The following ADGRG5 variants were observed in gnomAD, a reference collection of about 807,000 sequenced individuals.
The protein encoded by ADGRG5 is G protein-coupled receptor 114.
In ADGRG5, 37 loss-of-function variants were observed where a neutral mutation model predicts 53.2. The ratio of observed to expected loss-of-function variants is 0.70; its 90% CI spans 0.53 to 0.91. The LOEUF (loss-of-function observed/expected upper bound fraction) is 0.91, where lower values mean the gene tolerates loss of function less well. ADGRG5 is among the 40% of genes least tolerant of loss of function. ADGRG5 has a pLI of 0.00. For missense variants in ADGRG5, 614 were observed against 675.8 expected, an observed-to-expected ratio of 0.91 and a Z score of 1.01; for synonymous variants, 277 against 290.4, an observed-to-expected ratio of 0.95 and a Z score of 0.47.
chr16:57,538,348 T>C (rs8048378), upstream of ADGRG5, among the ~76,000 whole-genome samples: 2,201 of 152,240 alleles, frequency 0.014, 42 homozygotes, highest in African/African-American at 0.051. Context: ...CTCACACTTG[T>C]AATCCCAGTG....
rs374174401 is a variant in ADGRG5 at position 57,548,303 on chromosome 16, C to T, written c.-39+5602C>T. ...GAAGGTTGCAAAAAATAGTACAGAA[C>T]GTTTTGTATACCCTTCACTTATTCT... is the stretch of plus-strand genomic sequence containing the variant. On this transcript the variant is annotated intron_variant, in intron 1 of 11. Coordinates refer to ENST00000349457, the MANE Select transcript of ADGRG5 (RefSeq NM_001304376.3). Among the ~76,000 whole-genome samples the T allele has an allele frequency of 6.0e-5, 9 of 151,194 alleles. No individual in the cohort carries two copies. The South Asian group carries it at 1.2e-3, about 21-fold the overall frequency.
chr16:57,570,817 G>T (rs184119509), intron 10 of ADGRG5, among the ~76,000 whole-genome samples: 3 of 152,274 alleles, frequency 2.0e-5, no homozygotes, highest in African/African-American at 4.8e-5. Flanking sequence ...CCTCTGTCCT[G>T]CCCTGCCCTC....
rs186157884 is a variant in ADGRG5 at position 57,543,427 on chromosome 16, C to T, written c.-39+726C>T. Among the ~76,000 whole-genome samples, 404 of 152,098 alleles carry T rather than the reference C, an allele frequency of 2.7e-3. 2 individuals are homozygous for T. The highest frequency in any genetic ancestry group is 9.5e-3 in the African/African-American group (393 of 41,468). ...CCTCCTGAGTAGCTGGGATTACAGG[C>T]ACCAGCCAGCATGCCTGGCTAATTT... is the stretch of plus-strand genomic sequence containing the variant. On this transcript the variant is annotated intron_variant, in intron 1 of 11. Coordinates refer to ENST00000349457, the MANE Select transcript of ADGRG5 (RefSeq NM_001304376.3).
the ADGRG5 span, among the ~76,000 whole-genome samples, chr16:57,536,760 G>C: frequency 1.3e-5 from 2 of 152,152 alleles, no homozygotes; most frequent in African/African-American, 4.8e-5. Context: ...GGGCCGGGGC[G>C]GTGGGCTCTG....
At chr16:57,543,670 A>G (rs1434137652) in intron 1 of ADGRG5, among the ~76,000 whole-genome samples, 2 of 152,120 alleles carry the variant, frequency 1.3e-5, no homozygotes, top group African/African-American at 4.8e-5. Context: ...TGGCAGGGGC[A>G]GGTGGGGCTG....
At position 57,562,388 on chromosome 16, in the gene ADGRG5, A is replaced by G. The variant is rs149325720; in HGVS notation, c.69A>G (p.Thr23=). The change falls in exon 3 of 12, where the codon ACA becomes ACG. Residue 23 remains threonine (T), a synonymous_variant. Transcript: ENST00000349457. ...GGGGGAGGTGTGTCCCCACAGAGACATGGGAAGAACTCCTGAGCTACATGG... is the reference window on the plus strand; with the variant it reads ...GGGGGAGGTGTGTCCCCACAGAGACGTGGGAAGAACTCCTGAGCTACATGG... The part of the protein sequence containing the change: ...LLTLQNATTE[T]WEELLSYMEN... 1.2e-6 allele frequency: 2 copies of G among 1,606,884 alleles called. No homozygotes were observed. Among genetic ancestry groups the G allele is most frequent in the East Asian group, 2.2e-5 (1 of 44,652 alleles).
the ADGRG5 span, among the ~76,000 whole-genome samples, chr16:57,536,286 C>CGGA: frequency 6.6e-6 from 1 of 152,264 alleles, no homozygotes; most frequent in East Asian, 1.9e-4. Flanking sequence ...CCCTCCCCAC[C>CGGA]GGAGACCTGG....
At chr16:57,565,312 C>A (rs1596790145) in intron 6 of ADGRG5, 162 bp downstream of exon 6, 1 of 640,862 alleles carries the variant, frequency 1.6e-6, no homozygotes, top group Non-Finnish European at 2.8e-6. Flanking sequence ...AGTTTTTACT[C>A]ATGCATTTGT....
chr16:57,568,854 C>T (rs1379370112), intron 9 of ADGRG5, among the ~76,000 whole-genome samples: 1 of 151,406 alleles, frequency 6.6e-6, no homozygotes, highest in African/African-American at 2.4e-5. Context: ...TCACCACCTC[C>T]TCCACCATCA....
intron 1 of ADGRG5, among the ~76,000 whole-genome samples, chr16:57,555,482 A>C (rs996666807): frequency 6.6e-6 from 1 of 152,204 alleles, no homozygotes; most frequent in African/African-American, 2.4e-5. Flanking sequence ...TCATAGCAGC[A>C]TGAGAATGGA....
At chr16:57,546,942 G>T (rs1392555102) in intron 1 of ADGRG5, among the ~76,000 whole-genome samples, 1 of 152,062 alleles carries the variant, frequency 6.6e-6, no homozygotes, top group African/African-American at 2.4e-5. Context: ...CATCTCCTGG[G>T]CTCAAGTGAT....
chr16:57,542,729 T>G (rs1406817320), intron 1 of ADGRG5, 28 bp downstream of exon 1: 1 of 152,258 alleles, frequency 6.6e-6, no homozygotes, highest in Non-Finnish European at 1.5e-5. Flanking sequence ...CTCTCCCCAC[T>G]CTCCTCTGCC....
intron 1 of ADGRG5, among the ~76,000 whole-genome samples, chr16:57,547,214 A>G (rs1223966990): frequency 6.6e-6 from 1 of 152,190 alleles, no homozygotes; most frequent in Non-Finnish European, 1.5e-5. Context: ...TGTTTGTTGT[A>G]GAAAATTTAA....
chr16:57,539,186 C>A (rs141757736), upstream of ADGRG5, among the ~76,000 whole-genome samples: 4 of 152,248 alleles, frequency 2.6e-5, no homozygotes, highest in East Asian at 1.9e-4. Context: ...CACGGAGGAA[C>A]CTTGAAGACG....
Position 57,563,264 on chromosome 16 carries a change from T to C in ADGRG5, c.297+17T>C, listed in dbSNP as rs772573304. The C allele has an allele frequency of 6.2e-7, 1 of 1,611,606 alleles. No individual in the cohort carries two copies. Among genetic ancestry groups the C allele is most frequent in the South Asian group, 1.1e-5 (1 of 91,048 alleles). ...GTGCCCCAGGTCAGAGGCTGCGGGT[T>C]GGGGGGTGTGGCCAGCTGCCCCGCC... On this transcript the variant is annotated intron_variant, in intron 4 of 11. Coordinates refer to ENST00000349457, the MANE Select transcript of ADGRG5 (RefSeq NM_001304376.3).
In ADGRG5 at chr16:57,562,465, T is replaced by C. The variant is rs2033027870; in HGVS notation, c.140+6T>C. 1.3e-6 allele frequency: 2 copies of C among 1,587,556 alleles called. No individual in the cohort carries two copies. Among genetic ancestry groups the C allele is most frequent in the East Asian group, 2.3e-5 (1 of 44,250 alleles). Reference sequence around the variant, plus strand: ...AGCTCAGTTTTTTCCTCTCGGTGAGTTGGATGTGCCTCCCACCCCAAGCCT... The same window carrying C: ...AGCTCAGTTTTTTCCTCTCGGTGAGCTGGATGTGCCTCCCACCCCAAGCCT... On this transcript the variant is annotated splice_donor_region_variant and intron_variant, in intron 3 of 11. Transcript: ENST00000349457.
At chr16:57,544,717 A>C (rs1276224935) in intron 1 of ADGRG5, among the ~76,000 whole-genome samples, 1 of 152,126 alleles carries the variant, frequency 6.6e-6, no homozygotes, top group Non-Finnish European at 1.5e-5. Context: ...GGCCTGAGTT[A>C]TCTCTCCTGA....
At chr16:57,568,480 G>A (rs1477818775) in intron 9 of ADGRG5, among the ~76,000 whole-genome samples, 4 of 118,246 alleles carry the variant, frequency 3.4e-5, no homozygotes, top group African/African-American at 6.7e-5. Context: ...CTCTGTTATC[G>A]CCATCACCTC....
intron 8 of ADGRG5, 124 bp downstream of exon 8, chr16:57,567,715 C>T (rs947007871): frequency 1.1e-5 from 16 of 1,431,744 alleles, no homozygotes; most frequent in Non-Finnish European, 1.4e-5. Flanking sequence ...AGGCGGGAGA[C>T]CAGCCTTGTG....
Sources: gnomAD v4.1 joint callset for allele counts (sites outside exome capture counted in the v4.1 genomes callset) on GRCh38, gnomAD v4.1.1 for gene constraint, MANE v1.5 for transcripts, NCBI Gene and HGNC (gene_info 2026-07-23, HGNC 2026-07-21) for gene names.